The following SLC24A2 variants were observed in gnomAD, a reference collection of about 807,000 sequenced individuals.
SLC24A2 encodes sodium/potassium/calcium exchanger 2.
A neutral mutation model predicts 62.0 loss-of-function variants in SLC24A2; 36 were observed. That is an observed-to-expected ratio of 0.58 (90% CI 0.44 to 0.77). SLC24A2 has a LOEUF of 0.77. Among genes scored for constraint, SLC24A2 ranks in the 30% least tolerant of loss-of-function variants. SLC24A2 has a pLI of 0.00. For synonymous variants in SLC24A2, 358 were observed against 294.0 expected (o/e 1.22, Z -2.23); for missense variants, 846 against 817.9 (o/e 1.03, Z -0.42).
the SLC24A2 span, among the ~76,000 whole-genome samples, chr9:19,804,031 G>A: frequency 2.6e-5 from 4 of 152,102 alleles, no homozygotes; most frequent in South Asian, 2.1e-4. Context: ...TACATCTTCC[G>A]ATGTTGTGGA....
At chr9:19,976,499 A>C in the SLC24A2 span, among the ~76,000 whole-genome samples, 1 of 152,308 alleles carries the variant, frequency 6.6e-6, no homozygotes, top group East Asian at 1.9e-4. Flanking sequence ...TTCTACTGTG[A>C]CTGTAAATTT....
At chr9:20,262,579 G>A in the SLC24A2 span, among the ~76,000 whole-genome samples, 1 of 152,216 alleles carries the variant, frequency 6.6e-6, no homozygotes, top group Admixed American at 6.5e-5. Flanking sequence ...GTACAGCCCA[G>A]AAATAACCTC....
the SLC24A2 span, among the ~76,000 whole-genome samples, chr9:20,257,635 G>A: frequency 0.039 from 5,964 of 152,140 alleles, 305 homozygotes; most frequent in African/African-American, 0.12. Context: ...CAGATCTGCC[G>A]GTTACTGACT....
At chr9:19,745,290 T>C (rs151304456) in intron 2 of SLC24A2, among the ~76,000 whole-genome samples, 2 of 152,306 alleles carry the variant, frequency 1.3e-5, no homozygotes, top group African/African-American at 4.8e-5. Flanking sequence ...CAATTAAACC[T>C]CTTTTCTTTG....
At chr9:19,564,120 C>T (rs1301740880) in intron 7 of SLC24A2, among the ~76,000 whole-genome samples, 3 of 152,008 alleles carry the variant, frequency 2.0e-5, no homozygotes, top group Non-Finnish European at 2.9e-5. Context: ...CCTCCCAAAA[C>T]TGGGATTGAT....
At chr9:19,595,269 G>C (rs1271856093) in intron 5 of SLC24A2, among the ~76,000 whole-genome samples, 2 of 152,204 alleles carry the variant, frequency 1.3e-5, no homozygotes, top group Non-Finnish European at 2.9e-5. Context: ...AATCAGCCTT[G>C]CCTTTTTGCT....
At chr9:19,552,369 C>A (rs1389553234) in intron 7 of SLC24A2, among the ~76,000 whole-genome samples, 1 of 152,208 alleles carries the variant, frequency 6.6e-6, no homozygotes, top group East Asian at 1.9e-4. Context: ...GTATATTTTC[C>A]TGTCTGTTCC....
At chr9:20,085,296 G>A in the SLC24A2 span, among the ~76,000 whole-genome samples, 15 of 152,262 alleles carry the variant, frequency 9.9e-5, no homozygotes, top group Middle Eastern at 3.4e-3. Flanking sequence ...ACTGCAGCTG[G>A]CCCCAAGGTC....
the SLC24A2 span, among the ~76,000 whole-genome samples, chr9:19,838,769 A>T: frequency 4.9e-4 from 57 of 116,030 alleles, no homozygotes; most frequent in Middle Eastern, 4.4e-3. Flanking sequence ...TTCCTAATTT[A>T]AAAAAAAAAA....
chr9:20,271,755 A>G, the SLC24A2 span, among the ~76,000 whole-genome samples: 1 of 152,356 alleles, frequency 6.6e-6, no homozygotes, highest in East Asian at 1.9e-4. Flanking sequence ...CCGTTTTGTT[A>G]TTAAAGAAAG....
At chr9:19,648,845 C>T (rs375698345) in intron 2 of SLC24A2, among the ~76,000 whole-genome samples, 1 of 151,856 alleles carries the variant, frequency 6.6e-6, no homozygotes, top group African/African-American at 2.4e-5. Flanking sequence ...TCACACAGAC[C>T]ACCCACGTGT....
the SLC24A2 span, among the ~76,000 whole-genome samples, chr9:19,898,223 G>A: frequency 2.6e-5 from 4 of 152,174 alleles, no homozygotes; most frequent in African/African-American, 9.7e-5. Context: ...AAGGGTCTGT[G>A]GATGCTGGCA....
chr9:20,128,023 T>C, the SLC24A2 span, among the ~76,000 whole-genome samples: 2 of 152,120 alleles, frequency 1.3e-5, no homozygotes, highest in African/African-American at 2.4e-5. Context: ...GGAATGCCAA[T>C]TCCATTCCTT....
chr9:19,601,323 G>C (rs1208066369), intron 4 of SLC24A2, among the ~76,000 whole-genome samples: 1 of 151,910 alleles, frequency 6.6e-6, no homozygotes, highest in African/African-American at 2.4e-5. Flanking sequence ...ATTCTGATAG[G>C]ACAGAAATCG....
the SLC24A2 span, among the ~76,000 whole-genome samples, chr9:19,966,319 G>A: frequency 1.3e-5 from 2 of 152,150 alleles, no homozygotes; most frequent in African/African-American, 4.8e-5. Flanking sequence ...CTCCGTGTGT[G>A]CATGCCCATA....
rs1313390714 is a variant in SLC24A2, at chr9:19,597,847, G to A, written c.1079-568C>T. Among the ~76,000 whole-genome samples the A allele has an allele frequency of 3.9e-5, 6 of 152,264 alleles. No individual in the cohort carries two copies. In the East Asian group the frequency reaches 1.2e-3, roughly 29 times the overall value. On this transcript the variant is annotated intron_variant, in intron 4 of 10. Transcript: ENST00000341998. ...TAGACAGACAACACAGAGTGCTCTG[G>A]GAGGAAAAAGGAGGCATGTTCCCAG...
At chr9:20,294,205 T>C in the SLC24A2 span, among the ~76,000 whole-genome samples, 1 of 152,114 alleles carries the variant, frequency 6.6e-6, no homozygotes, top group Non-Finnish European at 1.5e-5. Context: ...ATCTGTAGGC[T>C]GCACCCTGCT....
chr9:20,005,178 TTAA>T, the SLC24A2 span, among the ~76,000 whole-genome samples: 1 of 152,242 alleles, frequency 6.6e-6, no homozygotes, highest in Non-Finnish European at 1.5e-5. Flanking sequence ...CAAAAATTAA[TTAA>T]TAATTACCAT....
the SLC24A2 span, among the ~76,000 whole-genome samples, chr9:19,975,913 T>TTTGTTTGTTTGG: frequency 1.3e-5 from 2 of 152,090 alleles, no homozygotes; most frequent in African/African-American, 2.4e-5. Context: ...TGTTTGTTTG[T>TTTGTTTGTTTGG]TTGTTTTTTT....
Sources: allele counts gnomAD v4.1 joint callset (sites outside exome capture counted in the v4.1 genomes callset), GRCh38; gene constraint gnomAD v4.1.1; transcripts MANE v1.5; gene names NCBI Gene and HGNC (gene_info 2026-07-23, HGNC 2026-07-21).